The following OGG1 variants were observed in gnomAD, a reference collection of about 807,000 sequenced individuals.
OGG1 encodes 8-oxoguanine DNA glycosylase, also known as N-glycosylase/DNA lyase.
OGG1 carries 35 observed loss-of-function variants against 42.3 expected under a neutral mutation model. The ratio of observed to expected loss-of-function variants is 0.83; its 90% confidence interval spans 0.63 to 1.10. The LOEUF (loss-of-function observed/expected upper bound fraction) is 1.10, where lower values mean the gene tolerates loss of function less well. Ranked by LOEUF, OGG1 falls within the 50% of genes least tolerant of loss-of-function variation. The pLI, the probability that OGG1 is intolerant of heterozygous loss-of-function variation, is 0.00. For missense variants in OGG1, 484 were observed against 446.7 expected (o/e 1.08, Z -0.75); for synonymous variants, 189 against 179.0 (o/e 1.06, Z -0.44).
At chr3:9,781,705 T>C (rs1575292733) in intron 3 of OGG1, 1 of 424,112 alleles carries the variant, frequency 2.4e-6, no homozygotes, top group African/African-American at 2.0e-5. Context: ...GCCTGCCAGT[T>C]TTCCAGAAGG....
chr3:9,750,327 G>C lies in OGG1; in HGVS notation c.41G>C (p.Arg14Pro). Residue 14 changes from arginine to proline, a missense_variant, in exon 1 of 7, where the codon CGT (arginine) becomes CCT (proline). Arg to Pro is a moderately radical substitution (Grantham distance 103). Transcript: ENST00000344629. ...RALLPRRMGH[R>P]TLASTPALWA... ...CTTCTGCCCAGGCGCATGGGGCATC[G>C]TACTCTAGCCTCCACTCCTGCCCTG... The C allele has an allele frequency of 1.2e-6, 2 of 1,613,816 alleles. No individual in the cohort carries two copies. The highest frequency in any genetic ancestry group is 1.7e-6 in the Non-Finnish European group (2 of 1,179,988).
chr3:9,790,953 T>C (rs1044398227), downstream of OGG1, among the ~76,000 whole-genome samples: 2 of 152,210 alleles, frequency 1.3e-5, no homozygotes, highest in Non-Finnish European at 2.9e-5. Context: ...ACTTTCCTAG[T>C]TGCCAAGCTC....
At chr3:9,770,911 A>G (rs1475161306), downstream of OGG1, among the ~76,000 whole-genome samples, 1 of 151,726 alleles carries the variant, frequency 6.6e-6, no homozygotes, top group African/African-American at 2.4e-5. Flanking sequence ...GCCACTCCCT[A>G]CTCCTGAATT....
intron 3 of OGG1, chr3:9,784,192 C>T (rs1437466963): frequency 3.1e-6 from 5 of 1,613,790 alleles, no homozygotes; most frequent in Non-Finnish European, 4.2e-6. Context: ...TGCGGCTCTC[C>T]AGGGACTTAG....
At chr3:9,790,106 C>T, downstream of OGG1, 2 of 1,089,488 alleles carry the variant, frequency 1.8e-6, no homozygotes, top group Non-Finnish European at 2.5e-6. Context: ...AACTCTTACT[C>T]ATCCTTCAAA....
Position 9,783,919 on chromosome 3 carries a change from AG to A in OGG1, c.382+2320del. On this transcript the variant is annotated intron_variant, in intron 3 of 3. Coordinates refer to the OGG1 transcript ENST00000426518. ...TTTTTCGAGGCTCTCCAGGTGATTT[AG>A]AGGCCAGCCAGGATTGGAAAGCCTG... is the stretch of plus-strand genomic sequence containing the variant. The A allele has an allele frequency of 2.1e-6, 3 of 1,422,854 alleles. No individual in the cohort carries two copies. The African/African-American group carries it at 4.3e-5, about 20-fold the overall frequency. 88.1% of individuals were successfully genotyped at this position (1,422,854 alleles called of 1,614,324 possible).
chr3:9,780,084 A>T, intron 2 of OGG1: 2 of 358,304 alleles, frequency 5.6e-6, no homozygotes, highest in Non-Finnish European at 1.0e-5. Flanking sequence ...GGGATGGTAA[A>T]GAGGGGAAGA....
At chr3:9,757,767 G>A (rs749937650), downstream of OGG1, 51 of 1,613,936 alleles carry the variant, frequency 3.2e-5, no homozygotes, top group East Asian at 5.8e-4. The surrounding 1 kb of genome is among the most constrained non-coding windows in gnomAD (Gnocchi z 4.5). Context: ...ATGGCTCGCC[G>A]TCTGCCCCTG....
downstream of OGG1, chr3:9,760,810 C>T (rs1332725587): frequency 1.2e-6 from 2 of 1,611,440 alleles, no homozygotes; most frequent in Admixed American, 3.3e-5. Flanking sequence ...CTTTCGGGTG[C>T]CGTTGGCTCC....
intron 3 of OGG1, among the ~76,000 whole-genome samples, chr3:9,781,874 C>G (rs377445874): frequency 3.9e-5 from 5 of 127,416 alleles, no homozygotes; most frequent in African/African-American, 1.2e-4. Flanking sequence ...AGGTCTCACT[C>G]TGTCACCCAG....
chr3:9,787,211 G>C (rs1240378309), intron 3 of OGG1: 1 of 1,614,098 alleles, frequency 6.2e-7, no homozygotes, highest in Non-Finnish European at 8.5e-7. Flanking sequence ...TTAGTGTCCA[G>C]TTCGGTCAGT....
At chr3:9,756,425 A>G in intron 4 of OGG1, 46 bp from the exon 5 acceptor site, 1 of 1,609,674 alleles carries the variant, frequency 6.2e-7, no homozygotes, top group Non-Finnish European at 8.5e-7. Context: ...GATGCTGGCC[A>G]CATGCTGCCC....
intron 6 of OGG1, 54 bp downstream of exon 6, chr3:9,756,870 G>A: frequency 6.2e-7 from 1 of 1,612,608 alleles, no homozygotes; most frequent in Non-Finnish European, 8.5e-7. Flanking sequence ...CCCAGACCCA[G>A]TGGACTCTTC....
chr3:9,767,796 G>A, downstream of OGG1: 2 of 1,610,650 alleles, frequency 1.2e-6, no homozygotes, highest in Non-Finnish European at 1.7e-6. Context: ...AAGGAGAATG[G>A]AAGGAGGAGA....
downstream of OGG1, chr3:9,757,649 C>T (rs764108930): frequency 3.0e-5 from 49 of 1,614,104 alleles, no homozygotes; most frequent in Middle Eastern, 3.3e-4. The surrounding 1 kb of genome is among the most constrained non-coding windows in gnomAD (Gnocchi z 4.5). Flanking sequence ...ACAGAGGTGG[C>T]CGCAGGGGCA....
downstream of OGG1, chr3:9,760,974 G>T: frequency 1.5e-6 from 1 of 673,298 alleles, no homozygotes; most frequent in Non-Finnish European, 2.4e-6. Flanking sequence ...CCTCCTCAGG[G>T]CCTTTGCACT....
chr3:9,761,856 C>T (rs564395339), downstream of OGG1: 464 of 1,507,666 alleles, frequency 3.1e-4, no homozygotes, highest in Non-Finnish European at 3.9e-4. Flanking sequence ...TAATGGATCC[C>T]CAAAAGCCAC....
downstream of OGG1, chr3:9,762,336 A>C (rs1409177770): frequency 6.5e-6 from 1 of 153,626 alleles, no homozygotes; most frequent in Admixed American, 6.5e-5. Context: ...AGTTTTCTAC[A>C]GAAGGGGAAT....
chr3:9,750,001 G>A lies in OGG1; in HGVS notation c.-286G>A. On this transcript the variant is annotated 5_prime_UTR_variant, in exon 1 of 7. Coordinates refer to ENST00000344629, the MANE Select transcript of OGG1 (RefSeq NM_002542.6). ...AGAACCCAGAAGAACACAGCTGTGC[G>A]CGCCCACAGGCTCTGGGGGCGGGAG... 1 of 485,680 alleles carries A rather than the reference G, an allele frequency of 2.1e-6. No homozygotes were observed. Among genetic ancestry groups the A allele is most frequent in the Non-Finnish European group, 3.7e-6 (1 of 268,882 alleles). The allele number at this position is 485,680 out of a possible 1,614,324, so 30.1% of individuals were successfully genotyped here.
Sources: allele counts gnomAD v4.1 joint callset (sites outside exome capture counted in the v4.1 genomes callset), GRCh38; gene constraint gnomAD v4.1.1; non-coding constraint Gnocchi (gnomAD v3.1); transcripts MANE v1.5; gene names NCBI Gene and HGNC (gene_info 2026-07-23, HGNC 2026-07-21).